SHISA6: variants seen among roughly 807,000 people sequenced by gnomAD.
SHISA6 encodes protein shisa-6.
Under a neutral mutation model 47.9 loss-of-function variants are expected in SHISA6, and 22 were observed. The ratio of observed to expected loss-of-function variants is 0.46; its 90% CI spans 0.33 to 0.66. The LOEUF (loss-of-function observed/expected upper bound fraction) is 0.66. Among genes scored for constraint, SHISA6 ranks in the 30% least tolerant of loss-of-function variants. The pLI is 0.02. For missense variants in SHISA6, 680 were observed against 764.6 expected, an observed-to-expected ratio of 0.89 and a Z score of 1.30; for synonymous variants, 388 against 337.8, an observed-to-expected ratio of 1.15 and a Z score of -1.63.
At chr17:11,500,657 G>A (rs2071443713) in intron 3 of SHISA6, among the ~76,000 whole-genome samples, 1 of 152,174 alleles carries the variant, frequency 6.6e-6, no homozygotes, top group Non-Finnish European at 1.5e-5. Context: ...GTAGCCACTA[G>A]GAACATGTGG....
chr17:11,396,117 A>C (rs556017167), intron 3 of SHISA6, among the ~76,000 whole-genome samples: 2 of 152,332 alleles, frequency 1.3e-5, no homozygotes, highest in African/African-American at 4.8e-5. Flanking sequence ...ATTTTGTCAA[A>C]AGCTTTTTCA....
chr17:11,314,988 T>C (rs2142190488), intron 2 of SHISA6, among the ~76,000 whole-genome samples: 1 of 152,336 alleles, frequency 6.6e-6, no homozygotes, highest in Non-Finnish European at 1.5e-5. Flanking sequence ...TTGTTCAAGT[T>C]TTATTTTTAA....
chr17:11,438,899 G>A (rs772129520), intron 3 of SHISA6, among the ~76,000 whole-genome samples: 71 of 152,294 alleles, frequency 4.7e-4, no homozygotes, highest in Non-Finnish European at 8.4e-4. Flanking sequence ...GAAGATTCAT[G>A]TGCAGCTGAT....
At chr17:11,277,333 A>G (rs539290953) in intron 2 of SHISA6, among the ~76,000 whole-genome samples, 1 of 146,808 alleles carries the variant, frequency 6.8e-6, no homozygotes. Flanking sequence ...GCATGTACGT[A>G]TACAGACTTT....
chr17:11,495,861 T>A (rs1490495708), intron 3 of SHISA6, among the ~76,000 whole-genome samples: 1 of 152,238 alleles, frequency 6.6e-6, no homozygotes, highest in Non-Finnish European at 1.5e-5. Context: ...CAGGCCAGAC[T>A]TCTAAATCAC....
chr17:11,291,491 G>T (rs886570009), intron 2 of SHISA6, among the ~76,000 whole-genome samples: 1 of 151,898 alleles, frequency 6.6e-6, no homozygotes, highest in African/African-American at 2.4e-5. Context: ...AAAATTAGCC[G>T]GGCATGGTGG....
At chr17:11,375,700 G>A (rs1447936930) in intron 2 of SHISA6, among the ~76,000 whole-genome samples, 1 of 152,140 alleles carries the variant, frequency 6.6e-6, no homozygotes, top group East Asian at 1.9e-4. Context: ...GGGGACAGTT[G>A]TCCGTTGGTG....
intron 2 of SHISA6, among the ~76,000 whole-genome samples, chr17:11,282,017 T>G (rs1013332002): frequency 6.6e-6 from 1 of 152,210 alleles, no homozygotes; most frequent in Non-Finnish European, 1.5e-5. Context: ...ATTTCAATCT[T>G]TGCTTGGTCT....
At chr17:11,359,447 T>G (rs1912190074) in intron 2 of SHISA6, among the ~76,000 whole-genome samples, 1 of 152,128 alleles carries the variant, frequency 6.6e-6, no homozygotes, top group African/African-American at 2.4e-5. Flanking sequence ...CAGGAGCAAA[T>G]ATACCATTGG....
chr17:11,532,437 A>T (rs897682052), intron 3 of SHISA6, among the ~76,000 whole-genome samples: 4 of 152,200 alleles, frequency 2.6e-5, no homozygotes, highest in Admixed American at 2.6e-4. Flanking sequence ...TATCTCTCTC[A>T]GAGTGTCCAA....
intron 2 of SHISA6, among the ~76,000 whole-genome samples, chr17:11,343,954 G>T (rs1188866709): frequency 6.6e-6 from 1 of 152,134 alleles, no homozygotes; most frequent in East Asian, 1.9e-4. Flanking sequence ...CTCTCAAAGT[G>T]CTGGGATTAC....
intron 2 of SHISA6, among the ~76,000 whole-genome samples, chr17:11,310,873 C>T (rs1318228466): frequency 6.6e-6 from 1 of 151,878 alleles, no homozygotes; most frequent in Non-Finnish European, 1.5e-5. Context: ...CTTTGGGGGG[C>T]CTAGGTGGGC....
chr17:11,350,157 A>AATTTATTTATTTATTTATTT, intron 2 of SHISA6, among the ~76,000 whole-genome samples: 1 of 128,406 alleles, frequency 7.8e-6, no homozygotes, highest in South Asian at 2.7e-4. Context: ...ATGCCCGGCT[A>AATTTATTTATTTATTTATTT]ATTTATTTAT....
chr17:11,553,124 T>G (rs989576786), intron 4 of SHISA6, among the ~76,000 whole-genome samples: 1 of 152,200 alleles, frequency 6.6e-6, no homozygotes, highest in Non-Finnish European at 1.5e-5. Context: ...AGTTTGGATC[T>G]GGACACCTGG....
intron 2 of SHISA6, among the ~76,000 whole-genome samples, chr17:11,330,139 G>A (rs1174641524): frequency 1.3e-5 from 2 of 152,104 alleles, no homozygotes; most frequent in African/African-American, 4.8e-5. Flanking sequence ...TCTAGCAAAT[G>A]TTCCTGGGTT....
intron 2 of SHISA6, among the ~76,000 whole-genome samples, chr17:11,268,897 C>T (rs1205735743): frequency 2.0e-5 from 3 of 152,176 alleles, no homozygotes; most frequent in Non-Finnish European, 2.9e-5. Context: ...TGCTGAAGAA[C>T]TCCCTTCAAG....
Position 11,561,827 on chromosome 17 carries a change from G to T in SHISA6, c.*3523G>T, listed in dbSNP as rs9909105. ...CAATGGAAGAATAAGACATTCTTTC[G>T]GTCTTCTGTTTGCCTCACTGGTGTA... On this transcript the variant is annotated 3_prime_UTR_variant, in exon 6 of 6. Coordinates refer to ENST00000441885, the MANE Select transcript of SHISA6 (RefSeq NM_207386.4). 6.6e-6 allele frequency: 1 copy of T among 151,830 alleles called. No homozygotes were observed. The highest frequency in any genetic ancestry group is 1.5e-5 in the Non-Finnish European group (1 of 67,992). The allele number at this position is 151,830 out of a possible 1,614,324, so 9.4% of individuals were successfully genotyped here.
At chr17:11,390,273 C>T (rs905067933) in intron 3 of SHISA6, among the ~76,000 whole-genome samples, 1 of 152,164 alleles carries the variant, frequency 6.6e-6, no homozygotes, top group Admixed American at 6.5e-5. Flanking sequence ...GTGACTTTGA[C>T]CTCTTTGACA....
intron 3 of SHISA6, among the ~76,000 whole-genome samples, chr17:11,394,852 G>A (rs2098074): frequency 0.19 from 28,289 of 151,270 alleles, 2,996 homozygotes; most frequent in Middle Eastern, 0.28. Context: ...TTTTCATTAC[G>A]TATAATATAT....
Sources: gnomAD v4.1 joint callset for allele counts (sites outside exome capture counted in the v4.1 genomes callset) on GRCh38, gnomAD v4.1.1 for gene constraint, MANE v1.5 for transcripts, NCBI Gene and HGNC (gene_info 2026-07-23, HGNC 2026-07-21) for gene names.